The following SRPK2 variants were observed in gnomAD, a reference collection of about 807,000 sequenced individuals.
SRPK2 encodes SRSF protein kinase 2, also known as SFRS protein kinase 2.
A neutral mutation model predicts 90.8 loss-of-function variants in SRPK2; 21 were observed. The ratio of observed to expected loss-of-function variants is 0.23; its 90% CI spans 0.16 to 0.33. The LOEUF (loss-of-function observed/expected upper bound fraction) is 0.33, where lower values mean the gene tolerates loss of function less well. SRPK2 is among the 10% of genes least tolerant of loss of function. The pLI is 1.00. For missense variants in SRPK2, 620 were observed against 869.0 expected, an observed-to-expected ratio of 0.71 and a Z score of 3.60; for synonymous variants, 288 against 311.1, an observed-to-expected ratio of 0.93 and a Z score of 0.78.
At chr7:105,236,147 A>C (rs1172914691) in intron 2 of SRPK2, among the ~76,000 whole-genome samples, 2 of 152,140 alleles carry the variant, frequency 1.3e-5, no homozygotes, top group Non-Finnish European at 2.9e-5. Flanking sequence ...CCTTCCTAAC[A>C]AGTACTCAGG....
chr7:105,394,145 CTTT>C (rs746514839), upstream of SRPK2, among the ~76,000 whole-genome samples: 23 of 139,912 alleles, frequency 1.6e-4, no homozygotes, highest in African/African-American at 5.2e-4. Context: ...TTCTTTCTTT[CTTT>C]TTTTTTTTTT....
At chr7:105,141,515 C>A (rs1161960939) in intron 11 of SRPK2, among the ~76,000 whole-genome samples, 4 of 152,160 alleles carry the variant, frequency 2.6e-5, no homozygotes, top group Admixed American at 6.5e-5. Context: ...TTGAAAATTA[C>A]AATCCTGGGC....
intron 2 of SRPK2, among the ~76,000 whole-genome samples, chr7:105,334,485 T>G (rs1441648166): frequency 2.7e-5 from 4 of 150,726 alleles, no homozygotes; most frequent in Admixed American, 2.7e-4. Context: ...TCTCCCAAAG[T>G]GCTGGGATTA....
chr7:105,210,853 G>T (rs1305236396), intron 2 of SRPK2, among the ~76,000 whole-genome samples: 2 of 152,226 alleles, frequency 1.3e-5, no homozygotes, highest in East Asian at 3.9e-4. Context: ...TAGGGCCACA[G>T]AGAGCAAAGA....
In SRPK2 at chr7:105,169,173, G is replaced by A; in HGVS notation, c.322C>T (p.Leu108=). 1 of 1,612,698 alleles carries A rather than the reference G, an allele frequency of 6.2e-7. No individual in the cohort carries two copies. Among genetic ancestry groups the A allele is most frequent in the Non-Finnish European group, 8.5e-7 (1 of 1,179,628 alleles). The change falls in exon 4 of 16, where the codon CTG becomes TTG. Residue 108 remains leucine (L), a synonymous_variant. Coordinates refer to ENST00000393651, the MANE Select transcript of SRPK2 (RefSeq NM_182692.3). The part of the protein sequence containing the change: ...LGWGHFSTVW[L]CWDMQGKRFV... ...AACACTTACTGCATATCCCAGCACAGCCAGACAGTAGAGAAGTGCCCCCAT... is the reference window on the plus strand; with the variant it reads ...AACACTTACTGCATATCCCAGCACAACCAGACAGTAGAGAAGTGCCCCCAT...
chr7:105,138,171 A>C (rs762185189), intron 11 of SRPK2, among the ~76,000 whole-genome samples: 2 of 152,248 alleles, frequency 1.3e-5, no homozygotes, highest in Non-Finnish European at 1.5e-5. Context: ...GAGAAGAAGA[A>C]TGTAAAAAGG....
intron 2 of SRPK2, among the ~76,000 whole-genome samples, chr7:105,387,989 C>G (rs1353361160): frequency 2.0e-5 from 3 of 152,150 alleles, no homozygotes; most frequent in Non-Finnish European, 4.4e-5. Flanking sequence ...CCGGCGCCCG[C>G]AGCGCACCCA....
intron 2 of SRPK2, among the ~76,000 whole-genome samples, chr7:105,268,407 A>T (rs1805387014): frequency 6.6e-6 from 1 of 152,242 alleles, no homozygotes; most frequent in South Asian, 2.1e-4. Flanking sequence ...TTTAACCTAC[A>T]TTTTACAAAT....
At chr7:105,137,760 A>C (rs1803084381) in intron 11 of SRPK2, among the ~76,000 whole-genome samples, 1 of 152,202 alleles carries the variant, frequency 6.6e-6, no homozygotes, top group Non-Finnish European at 1.5e-5. Context: ...CAAGTTCCTC[A>C]AACTGGCCCC....
intron 2 of SRPK2, among the ~76,000 whole-genome samples, chr7:105,361,969 G>GA (rs1324548660): frequency 2.0e-5 from 3 of 149,758 alleles, no homozygotes; most frequent in Admixed American, 1.3e-4. Flanking sequence ...AAGCCAAATT[G>GA]AAAAACAGGA....
rs78037920 is a variant in SRPK2 at position 105,218,191 on chromosome 7, C to A, written c.72-14406G>T. Reference sequence around the variant, plus strand: ...CAGAAGTGCTAGAGAAAGGTTGAGACCAGATTTTGACACCCTGGGGTGAAG... The same window carrying A: ...CAGAAGTGCTAGAGAAAGGTTGAGAACAGATTTTGACACCCTGGGGTGAAG... On this transcript the variant is annotated intron_variant, in intron 2 of 15. Transcript: ENST00000393651. Among the ~76,000 whole-genome samples the A allele has an allele frequency of 2.8e-3, 426 of 152,206 alleles. 11 individuals carry two copies. In the East Asian group the frequency reaches 0.055, roughly 20 times the overall value.
intron 2 of SRPK2, chr7:105,304,495 T>C (rs1040522087): frequency 6.6e-6 from 1 of 152,214 alleles, no homozygotes; most frequent in African/African-American, 2.4e-5. Context: ...TAACTGTATT[T>C]ATAAATAAGT....
At chr7:105,219,405 A>C (rs1162565956) in intron 2 of SRPK2, among the ~76,000 whole-genome samples, 2 of 152,058 alleles carry the variant, frequency 1.3e-5, no homozygotes, top group Non-Finnish European at 2.9e-5. Flanking sequence ...AAATAGCCCC[A>C]CTCAGGCCAG....
At chr7:105,296,669 T>C (rs1466101760) in intron 2 of SRPK2, among the ~76,000 whole-genome samples, 2 of 152,358 alleles carry the variant, frequency 1.3e-5, no homozygotes, top group Non-Finnish European at 2.9e-5. Context: ...GATGGCATCA[T>C]AGGCATTCAT....
intron 2 of SRPK2, among the ~76,000 whole-genome samples, chr7:105,322,840 C>T (rs1370736056): frequency 2.0e-5 from 3 of 152,166 alleles, no homozygotes; most frequent in Non-Finnish European, 4.4e-5. Context: ...GCTCCATGGT[C>T]CCCACTAAAA....
At chr7:105,149,358 T>A (rs771851355) in intron 7 of SRPK2, among the ~76,000 whole-genome samples, 1 of 152,214 alleles carries the variant, frequency 6.6e-6, no homozygotes, top group Non-Finnish European at 1.5e-5. Flanking sequence ...CCAGTCATAG[T>A]ACCTTCCCTT....
At chr7:105,361,775 T>C (rs563538483) in intron 2 of SRPK2, among the ~76,000 whole-genome samples, 2 of 152,288 alleles carry the variant, frequency 1.3e-5, no homozygotes, top group East Asian at 3.9e-4. Flanking sequence ...TAGCTATATG[T>C]AGAAAACTGA....
intron 7 of SRPK2, among the ~76,000 whole-genome samples, chr7:105,153,610 G>T (rs1806070155): frequency 1.3e-5 from 2 of 152,088 alleles, no homozygotes; most frequent in Non-Finnish European, 2.9e-5. Context: ...ATTCTGAACT[G>T]TAAAAAGAAA....
At chr7:105,351,218 A>G (rs763373572) in intron 2 of SRPK2, among the ~76,000 whole-genome samples, 3 of 151,796 alleles carry the variant, frequency 2.0e-5, no homozygotes, top group Admixed American at 6.6e-5. Flanking sequence ...ACCATGTGAT[A>G]CTCTAGGCCA....
Sources: allele counts gnomAD v4.1 joint callset (sites outside exome capture counted in the v4.1 genomes callset), GRCh38; gene constraint gnomAD v4.1.1; transcripts MANE v1.5; gene names NCBI Gene and HGNC (gene_info 2026-07-23, HGNC 2026-07-21).